Variants in CLDND1 observed in about 807,000 individuals in gnomAD.
CLDND1 encodes the protein claudin domain-containing protein 1.
Under a neutral mutation model 26.3 loss-of-function variants are expected in CLDND1, and 13 were observed. That is an observed-to-expected ratio of 0.49 (90% CI 0.32 to 0.78). The LOEUF (loss-of-function observed/expected upper bound fraction) is 0.78. Among genes scored for constraint, CLDND1 ranks in the 30% least tolerant of loss-of-function variants. The pLI, the probability that CLDND1 is intolerant of heterozygous loss-of-function variation, is 0.03. For missense variants in CLDND1, 289 were observed against 312.8 expected (o/e 0.92, Z 0.57); for synonymous variants, 107 against 107.0 (o/e 1.00, Z 0.00).
intron 2 of CLDND1, 52 bp from the exon 3 acceptor site, chr3:98,519,047 T>A: frequency 9.5e-7 from 1 of 1,055,836 alleles, no homozygotes; most frequent in Non-Finnish European, 1.4e-6. Flanking sequence ...TTAACAAAAA[T>A]CTCTTTCAGT....
chr3:98,520,653 A>G (rs1462106058), intron 2 of CLDND1: 1 of 152,710 alleles, frequency 6.5e-6, no homozygotes, highest in Non-Finnish European at 1.5e-5. Flanking sequence ...TCATAATTAC[A>G]CAGATTAAAT....
rs576094399 is a variant in CLDND1, at chr3:98,515,969, T to G, written c.*690A>C. 1 of 1,206,078 alleles carries G rather than the reference T, an allele frequency of 8.3e-7. No homozygotes were observed. Among genetic ancestry groups the G allele is most frequent in the African/African-American group, 1.6e-5 (1 of 63,048 alleles). 74.7% of individuals were successfully genotyped at this position (1,206,078 alleles called of 1,614,324 possible). A position where few individuals can be genotyped will look rare whatever the true frequency, so the allele number is the denominator to read the frequency against. On this transcript the variant is annotated 3_prime_UTR_variant, in exon 5 of 5. Coordinates refer to ENST00000341181, the MANE Select transcript of CLDND1 (RefSeq NM_001040181.2). ...CAAAACAATTTGGTGGTACTGAAAA[T>G]CTTACGGAGAGTTAAAAATAATACT...
chr3:98,516,030 A>T lies in CLDND1; in HGVS notation c.*629T>A. The stretch of plus-strand genomic sequence containing the variant: ...CGGCTGAACTGGAATTCTTGCAGTT[A>T]CAAAGTTAAAATTTCAAGTAAACAC... On this transcript the variant is annotated 3_prime_UTR_variant, in exon 5 of 5. Transcript: ENST00000341181. 1 of 1,162,000 alleles carries T rather than the reference A, an allele frequency of 8.6e-7. No homozygotes were observed. Among genetic ancestry groups the T allele is most frequent in the Non-Finnish European group, 1.1e-6 (1 of 928,848 alleles). 72.0% of individuals were successfully genotyped at this position (1,162,000 alleles called of 1,614,324 possible). A position where few individuals can be genotyped will look rare whatever the true frequency, so the allele number is the denominator to read the frequency against.
Position 98,516,278 on chromosome 3 carries a change from G to A in CLDND1, c.*381C>T. The A allele has an allele frequency of 9.7e-7, 1 of 1,028,690 alleles. No homozygotes were observed. Among genetic ancestry groups the A allele is most frequent in the East Asian group, 9.3e-5 (1 of 10,738 alleles). The allele number at this position is 1,028,690 out of a possible 1,614,324, so 63.7% of individuals were successfully genotyped here. A position where few individuals can be genotyped will look rare whatever the true frequency, so the allele number is the denominator to read the frequency against. On this transcript the variant is annotated 3_prime_UTR_variant, in exon 5 of 5. Coordinates refer to ENST00000341181, the MANE Select transcript of CLDND1 (RefSeq NM_001040181.2). ...TTTTGACGATGAGAGGTTTCCCAAAGAAACTAATATAGAGTTTTTAGTTGA... is the reference window on the plus strand; with the variant it reads ...TTTTGACGATGAGAGGTTTCCCAAAAAAACTAATATAGAGTTTTTAGTTGA...
chr3:98,521,473 TAG>T, intron 1 of CLDND1, 31 bp from the exon 2 acceptor site: 1 of 1,591,750 alleles, frequency 6.3e-7, no homozygotes, highest in Non-Finnish European at 8.6e-7. Context: ...GAAGATAAGT[TAG>T]AGTTTACGGA....
In CLDND1 at chr3:98,517,189, T is replaced by C. The variant is rs745342805; in HGVS notation, c.404A>G (p.Tyr135Cys). Residue 135 changes from tyrosine to cysteine, a missense_variant and splice_region_variant, in exon 4 of 5, where the codon TAT becomes TGT. Physicochemically the swap from Tyr to Cys is radical, Grantham distance 194. Transcript: ENST00000341181. ...HNSGIDLLRT[Y>C]LWRCQFLLPF... Reference sequence around the variant, plus strand: ...TAAAAGGAACTGGCAACGCCAAAGATCTGATTTTTAAAAAGAGAGAAAAGA... The same window carrying C: ...TAAAAGGAACTGGCAACGCCAAAGACCTGATTTTTAAAAAGAGAGAAAAGA... 8.1e-6 allele frequency: 13 copies of C among 1,606,578 alleles called. No individual in the cohort carries two copies. Among genetic ancestry groups the C allele is most frequent in the Admixed American group, 5.2e-5 (3 of 57,758 alleles).
intron 2 of CLDND1, among the ~76,000 whole-genome samples, chr3:98,519,595 G>A (rs1329248646): frequency 6.6e-6 from 1 of 152,114 alleles, no homozygotes; most frequent in Non-Finnish European, 1.5e-5. Flanking sequence ...AACAGCCAGG[G>A]TGACCAGATC....
intron 4 of CLDND1, 72 bp from the exon 5 acceptor site, chr3:98,516,951 T>C: frequency 3.1e-6 from 5 of 1,607,924 alleles, no homozygotes; most frequent in Non-Finnish European, 4.2e-6. Context: ...TTTCAGGCAA[T>C]GTGACAGGGC....
chr3:98,521,237 G>T lies in CLDND1; in HGVS notation c.188C>A (p.Thr63Asn), dbSNP rs1706396022. 6.2e-7 allele frequency: 1 copy of T among 1,614,170 alleles called. No individual in the cohort carries two copies. ...GTATCGAAAAAGTGCATCATTATAA[G>T]TCTTTTCATCTGCCTCATCACTAAT... is the stretch of plus-strand genomic sequence containing the variant. The part of the protein sequence containing the change: ...EFISDEADEK[T>N]YNDALFRYNG... The change falls in exon 2 of 5, where the codon ACT (threonine) becomes AAT (asparagine). Residue 63 changes from threonine to asparagine, a missense_variant. Thr to Asn is a moderately conservative substitution (Grantham distance 65). Transcript: ENST00000341181.
chr3:98,515,882 T>A lies in CLDND1; in HGVS notation c.*777A>T, dbSNP rs1706118711. On this transcript the variant is annotated 3_prime_UTR_variant, in exon 5 of 5. Transcript: ENST00000341181. ...GGAATTTTACCTTGTAACTGTAATA[T>A]AATGTAAAAAGAAAGCACACTTTTA... The A allele has an allele frequency of 7.8e-7, 1 of 1,284,920 alleles. No individual in the cohort carries two copies. The highest frequency in any genetic ancestry group is 1.0e-6 in the Non-Finnish European group (1 of 986,252). The allele number at this position is 1,284,920 out of a possible 1,614,324, so 79.6% of individuals were successfully genotyped here. A position where few individuals can be genotyped will look rare whatever the true frequency, so the allele number is the denominator to read the frequency against.
Position 98,517,257 on chromosome 3 carries a change from T to G in CLDND1, c.404-68A>C, listed in dbSNP as rs1023321758. 3.3e-6 allele frequency: 5 copies of G among 1,525,768 alleles called. No individual in the cohort carries two copies. In the African/African-American group the frequency reaches 7.0e-5, roughly 21 times the overall value. 94.5% of individuals were successfully genotyped at this position (1,525,768 alleles called of 1,614,324 possible). On this transcript the variant is annotated intron_variant, in intron 3 of 4. Coordinates refer to ENST00000341181, the MANE Select transcript of CLDND1 (RefSeq NM_001040181.2). ...AGACCATTTTCCCCGCAATGGCAAT[T>G]TCTTTCATATTCTAATTAGATCTTT...
chr3:98,518,318 A>G (rs1706247781), intron 3 of CLDND1, among the ~76,000 whole-genome samples: 1 of 152,214 alleles, frequency 6.6e-6, no homozygotes, highest in South Asian at 2.1e-4. Flanking sequence ...CTTCTGGGCA[A>G]GTCCCTATAG....
Position 98,516,736 on chromosome 3 carries a change from C to A in CLDND1, c.685G>T (p.Ala229Ser), listed in dbSNP as rs200208043. The change falls in exon 5 of 5, where the codon GCT becomes TCT. Residue 229 changes from alanine (A) to serine (S), a missense_variant. By Grantham distance (99) the Ala-to-Ser change is moderately conservative (BLOSUM62 1). Transcript: ENST00000341181. ...GCAGCCCAGATGAAGAGAGCAGAAGCCATGAACTGTAAGGGAGCAGAGACA... is the reference window on the plus strand; with the variant it reads ...GCAGCCCAGATGAAGAGAGCAGAAGACATGAACTGTAAGGGAGCAGAGACA... ...ACVSAPLQFM[A>S]SALFIWAAHT... 18 of 1,613,998 alleles carry A rather than the reference C, an allele frequency of 1.1e-5. No individual in the cohort carries two copies. Among genetic ancestry groups the A allele is most frequent in the Non-Finnish European group, 1.4e-5 (17 of 1,180,020 alleles).
At position 98,516,897 on chromosome 3, in the gene CLDND1, A is replaced by T; in HGVS notation, c.542-18T>A. On this transcript the variant is annotated intron_variant, in intron 4 of 4. Coordinates refer to ENST00000341181, the MANE Select transcript of CLDND1 (RefSeq NM_001040181.2). ...ACACAGACCTTGGGGGAAAATTTAG[A>T]AAACAAAACAAAACATGGCTGGATA... The T allele has an allele frequency of 1.2e-6, 2 of 1,613,390 alleles. No homozygotes were observed. Among genetic ancestry groups the T allele is most frequent in the Non-Finnish European group, 8.5e-7 (1 of 1,179,700 alleles).
chr3:98,521,329 C>T lies in CLDND1; in HGVS notation c.96G>A (p.Trp32Ter), dbSNP rs1360484325. 1 of 1,614,006 alleles carries T rather than the reference C, an allele frequency of 6.2e-7. No homozygotes were observed. The highest frequency in any genetic ancestry group is 8.5e-7 in the Non-Finnish European group (1 of 1,180,006). ...YMAASIGTDFWYEYRSPVQEN... is the reference protein window; with the variant it reads ...YMAASIGTDF The stretch of plus-strand genomic sequence containing the variant: ...CTTGAACTGGACTTCGATATTCATA[C>T]CAGAAGTCTGTGCCAATGGAGGCTG... Residue 32 changes from tryptophan (W) to a stop codon, truncating the protein, a stop_gained, in exon 2 of 5, where the codon TGG becomes TGA. Coordinates refer to ENST00000341181, the MANE Select transcript of CLDND1 (RefSeq NM_001040181.2). LOFTEE classifies it high-confidence loss of function.
In CLDND1 at chr3:98,521,696, C is replaced by T. The variant is rs1185488189; in HGVS notation, c.-18-254G>A. On this transcript the variant is annotated intron_variant, in intron 1 of 4. Transcript: ENST00000341181. ...AGAGGTCTTGTTCTCTAGTCTATCA[C>T]CTGCATACTAAAACAGACAACACTG... The T allele has an allele frequency of 1.9e-6, 3 of 1,612,766 alleles. No homozygotes were observed. Among genetic ancestry groups the T allele is most frequent in the Admixed American group, 3.3e-5 (2 of 60,000 alleles).
chr3:98,519,017 G>A (rs1706283603), intron 2 of CLDND1, 22 bp from the exon 3 acceptor site: 1 of 1,323,290 alleles, frequency 7.6e-7, no homozygotes, highest in Non-Finnish European at 1.1e-6. Context: ...ACAATTGCCT[G>A]TTGTTTTAAT....
chr3:98,519,464 G>C (rs1706305923), intron 2 of CLDND1, among the ~76,000 whole-genome samples: 1 of 152,164 alleles, frequency 6.6e-6, no homozygotes. Flanking sequence ...CCAGAATCCA[G>C]CTGCTGCTCA....
At position 98,517,143 on chromosome 3, in the gene CLDND1, C is replaced by G; in HGVS notation, c.450G>C (p.Leu150Phe). The change falls in exon 4 of 5, where the codon TTG becomes TTC. Residue 150 changes from leucine to phenylalanine, a missense_variant. Leu to Phe is a conservative substitution (Grantham distance 22). Transcript: ENST00000341181. ...QFLLPFVSLG[L>F]MCFGALIGLC... ...GTCCGATCAAAGCCCCAAAGCACAT[C>G]AAACCTAAACTCACAAAAGGTAAAA... The G allele has an allele frequency of 1.9e-6, 3 of 1,614,110 alleles. No homozygotes were observed. The highest frequency in any genetic ancestry group is 2.5e-6 in the Non-Finnish European group (3 of 1,180,000).
Sources: gnomAD v4.1 joint callset for allele counts (sites outside exome capture counted in the v4.1 genomes callset) on GRCh38, gnomAD v4.1.1 for gene constraint, MANE v1.5 for transcripts, NCBI Gene and HGNC (gene_info 2026-07-23, HGNC 2026-07-21) for gene names.